CNTN4: variants seen among roughly 807,000 people sequenced by gnomAD.
The protein encoded by CNTN4 is contactin 4, also known as contactin-4.
A neutral mutation model predicts 122.5 loss-of-function variants in CNTN4; 77 were observed. The ratio of observed to expected loss-of-function variants is 0.63; its 90% CI spans 0.52 to 0.76. The LOEUF (loss-of-function observed/expected upper bound fraction) is 0.76, where lower values mean the gene tolerates loss of function less well. Among genes scored for constraint, CNTN4 ranks in the 30% least tolerant of loss-of-function variants. The pLI is 0.00. For missense variants in CNTN4, 1,256 were observed against 1,259.1 expected, an observed-to-expected ratio of 1.00 and a Z score of 0.04; for synonymous variants, 512 against 447.0, an observed-to-expected ratio of 1.15 and a Z score of -1.83.
intron 4 of CNTN4, among the ~76,000 whole-genome samples, chr3:2,659,886 G>C (rs148254369): frequency 2.0e-5 from 3 of 152,212 alleles, no homozygotes; most frequent in African/African-American, 7.2e-5. Flanking sequence ...TTAAAACATT[G>C]CTCCTGTTCA....
At chr3:2,731,294 C>T (rs933922523) in intron 4 of CNTN4, among the ~76,000 whole-genome samples, 6 of 152,102 alleles carry the variant, frequency 3.9e-5, no homozygotes, top group Admixed American at 1.3e-4. Context: ...TCAGCCTAGT[C>T]TTCTCCCTTC....
intron 3 of CNTN4, among the ~76,000 whole-genome samples, chr3:2,483,460 A>G (rs1479076130): frequency 6.6e-6 from 1 of 152,184 alleles, no homozygotes; most frequent in Non-Finnish European, 1.5e-5. Context: ...ACTAGGGGCT[A>G]TTGGAAAGGT....
At chr3:2,646,458 A>C (rs768223387) in intron 4 of CNTN4, among the ~76,000 whole-genome samples, 1 of 152,180 alleles carries the variant, frequency 6.6e-6, no homozygotes, top group South Asian at 2.1e-4. Context: ...TACCTCGTAT[A>C]ATCGTGGTCA....
At chr3:2,870,998 C>A (rs2093777987) in intron 8 of CNTN4, among the ~76,000 whole-genome samples, 2 of 152,128 alleles carry the variant, frequency 1.3e-5, no homozygotes, top group Admixed American at 6.5e-5. Context: ...CCCTGGGGCT[C>A]CCTGTTCCCT....
chr3:2,824,818 A>G (rs1034247100), intron 7 of CNTN4, among the ~76,000 whole-genome samples: 10 of 151,754 alleles, frequency 6.6e-5, no homozygotes, highest in Non-Finnish European at 1.3e-4. Context: ...GTGCACCACC[A>G]CACCTGGCTA....
intron 3 of CNTN4, among the ~76,000 whole-genome samples, chr3:2,521,620 C>T (rs2077222597): frequency 6.6e-6 from 1 of 151,948 alleles, no homozygotes; most frequent in South Asian, 2.1e-4. Context: ...CAACTAAGTG[C>T]AAAAGAGCTC....
chr3:2,746,533 T>C (rs781092102), intron 6 of CNTN4, among the ~76,000 whole-genome samples: 1 of 152,252 alleles, frequency 6.6e-6, no homozygotes, highest in Non-Finnish European at 1.5e-5. Flanking sequence ...AGGGTTTATG[T>C]ATTTGCATGT....
At chr3:2,430,430 A>G (rs2048023793) in intron 3 of CNTN4, among the ~76,000 whole-genome samples, 1 of 150,924 alleles carries the variant, frequency 6.6e-6, no homozygotes, top group South Asian at 2.1e-4. Context: ...CTCAAAAAAA[A>G]AAAAAAAAAA....
intron 7 of CNTN4, among the ~76,000 whole-genome samples, chr3:2,843,031 C>T (rs2093391677): frequency 6.6e-6 from 1 of 152,132 alleles, no homozygotes; most frequent in African/African-American, 2.4e-5. Flanking sequence ...TAAATACCTA[C>T]TGTCAGCCCC....
chr3:2,864,200 T>G (rs929287061), intron 7 of CNTN4, among the ~76,000 whole-genome samples: 3 of 152,228 alleles, frequency 2.0e-5, no homozygotes, highest in Non-Finnish European at 4.4e-5. Context: ...TTTAAAATTG[T>G]CCTCATTTTA....
intron 6 of CNTN4, among the ~76,000 whole-genome samples, chr3:2,813,459 G>T (rs981755101): frequency 6.6e-6 from 1 of 151,968 alleles, no homozygotes; most frequent in South Asian, 2.1e-4. Flanking sequence ...TACATGCATG[G>T]TTACTGTATC....
chr3:2,707,930 A>T (rs940933468), intron 4 of CNTN4, among the ~76,000 whole-genome samples: 1 of 152,226 alleles, frequency 6.6e-6, no homozygotes, highest in South Asian at 2.1e-4. Flanking sequence ...AATGAGTCTG[A>T]AAAGAATCCA....
chr3:2,336,100 A>C (rs2043944033), intron 2 of CNTN4, among the ~76,000 whole-genome samples: 1 of 152,152 alleles, frequency 6.6e-6, no homozygotes, highest in Non-Finnish European at 1.5e-5. Flanking sequence ...ACATGTGCTG[A>C]GTGTAACTGG....
intron 3 of CNTN4, among the ~76,000 whole-genome samples, chr3:2,535,494 T>C (rs1460735628): frequency 6.6e-6 from 1 of 152,152 alleles, no homozygotes; most frequent in Admixed American, 6.6e-5. Flanking sequence ...TAGGTAGCTG[T>C]TGAGATTTTC....
chr3:2,142,317 A>T (rs145006173), intron 2 of CNTN4, among the ~76,000 whole-genome samples: 1,727 of 151,274 alleles, frequency 0.011, 18 homozygotes, highest in Middle Eastern at 0.027. Context: ...AGAGCTAGAG[A>T]CTTTGTCTGC....
At chr3:2,408,761 A>G (rs1249143582) in intron 3 of CNTN4, among the ~76,000 whole-genome samples, 1 of 152,176 alleles carries the variant, frequency 6.6e-6, no homozygotes. Flanking sequence ...ATCATAGAAT[A>G]AAATGTGGTG....
chr3:2,180,312 C>A (rs143033889), intron 2 of CNTN4, among the ~76,000 whole-genome samples: 2 of 151,974 alleles, frequency 1.3e-5, no homozygotes, highest in African/African-American at 2.4e-5. Flanking sequence ...TTATCAAATT[C>A]ATTCTTCACA....
chr3:2,269,569 C>G (rs1011543191), intron 2 of CNTN4, among the ~76,000 whole-genome samples: 1 of 152,018 alleles, frequency 6.6e-6, no homozygotes, highest in Non-Finnish European at 1.5e-5. Flanking sequence ...TTGATGTCAC[C>G]TTTTCAAGTT....
intron 2 of CNTN4, among the ~76,000 whole-genome samples, chr3:2,299,459 C>G (rs1453374219): frequency 1.6e-4 from 25 of 151,946 alleles, no homozygotes; most frequent in Admixed American, 1.4e-3. Flanking sequence ...ATTTTCTATC[C>G]CATACCCCCA....
Sources: allele counts gnomAD v4.1 joint callset (sites outside exome capture counted in the v4.1 genomes callset), GRCh38; gene constraint gnomAD v4.1.1; transcripts MANE v1.5; gene names NCBI Gene and HGNC (gene_info 2026-07-23, HGNC 2026-07-21).